The following TRIM4 variants were observed in gnomAD, a reference collection of about 807,000 sequenced individuals.
The protein encoded by TRIM4 is tripartite motif containing 4.
Under a neutral mutation model 33.7 loss-of-function variants are expected in TRIM4, and 29 were observed. The observed-to-expected ratio is 0.86, with a 90% CI of 0.64 to 1.17. The LOEUF is 1.17. TRIM4 is among the 50% of genes most tolerant of loss of function. The pLI is 0.00. For missense variants in TRIM4, 554 were observed against 593.7 expected (o/e 0.93, Z 0.69); for synonymous variants, 224 against 233.0 (o/e 0.96, Z 0.35).
intron 2 of TRIM4, among the ~76,000 whole-genome samples, chr7:99,909,290 T>G (rs1482552637): frequency 6.6e-6 from 1 of 152,068 alleles, no homozygotes; most frequent in Non-Finnish European, 1.5e-5. Flanking sequence ...GACATGGGGA[T>G]GAAGTATGCG....
chr7:99,909,898 A>G (rs1282858436), intron 1 of TRIM4, among the ~76,000 whole-genome samples: 1 of 151,602 alleles, frequency 6.6e-6, no homozygotes, highest in African/African-American at 2.4e-5. Context: ...GGTCCAACTA[A>G]TTTTTTTATG....
At chr7:99,911,124 G>A (rs1020599846) in intron 1 of TRIM4, among the ~76,000 whole-genome samples, 2 of 152,186 alleles carry the variant, frequency 1.3e-5, no homozygotes, top group African/African-American at 4.8e-5. Flanking sequence ...AATTAGAGTT[G>A]GGAAGGAGAT....
At chr7:99,908,262 G>T in intron 3 of TRIM4, 1 of 222,016 alleles carries the variant, frequency 4.5e-6, no homozygotes, top group Non-Finnish European at 8.8e-6. Flanking sequence ...TGCTTGCTTT[G>T]TTTTATTGTT....
rs531550150 is a variant in TRIM4, at chr7:99,917,971, G to A, written c.393+1038C>T. The A allele has an allele frequency of 3.9e-5, 16 of 408,530 alleles. 1 individual carries two copies. Among genetic ancestry groups the A allele is most frequent in the Non-Finnish European group, 5.0e-5 (15 of 302,958 alleles). The allele number at this position is 408,530 out of a possible 1,614,324, so 25.3% of individuals were successfully genotyped here. ...TATGGCTGAAGCAGAGTAAGGTAAA[G>A]TGATTTATTCAACCGGAGCTTCTTA... On this transcript the variant is annotated intron_variant, in intron 1 of 5. Transcript: ENST00000349062.
chr7:99,917,364 T>C (rs1819578356), intron 1 of TRIM4, among the ~76,000 whole-genome samples: 1 of 152,244 alleles, frequency 6.6e-6, no homozygotes, highest in South Asian at 2.1e-4. Flanking sequence ...TTCCTGTTCA[T>C]AGTCAGCTGG....
intron 3 of TRIM4, among the ~76,000 whole-genome samples, chr7:99,907,020 G>A (rs1222291213): frequency 1.3e-5 from 2 of 152,134 alleles, no homozygotes; most frequent in African/African-American, 2.4e-5. Context: ...TGGGGTAAAA[G>A]TAAAGGAAAT....
chr7:99,898,016 G>A (rs917189232), intron 5 of TRIM4, among the ~76,000 whole-genome samples: 4 of 152,244 alleles, frequency 2.6e-5, no homozygotes, highest in African/African-American at 9.6e-5. Context: ...TATTGGGTCT[G>A]CAGAGAGTTG....
chr7:99,895,562 G>T (rs1413779812), intron 5 of TRIM4, among the ~76,000 whole-genome samples: 1 of 152,138 alleles, frequency 6.6e-6, no homozygotes, highest in Non-Finnish European at 1.5e-5. Flanking sequence ...GGATCAAGTT[G>T]ATTGATAATA....
At chr7:99,910,100 C>T (rs943688638) in intron 1 of TRIM4, among the ~76,000 whole-genome samples, 4 of 152,118 alleles carry the variant, frequency 2.6e-5, no homozygotes, top group African/African-American at 4.8e-5. Flanking sequence ...ATGCTGAAGA[C>T]GGTCACAGGC....
chr7:99,919,130 C>G lies in TRIM4; in HGVS notation c.272G>C (p.Trp91Ser). The G allele has an allele frequency of 6.6e-7, 1 of 1,513,078 alleles. No individual in the cohort carries two copies. The highest frequency in any genetic ancestry group is 8.9e-7 in the Non-Finnish European group (1 of 1,129,604). The allele number at this position is 1,513,078 out of a possible 1,614,324, so 93.7% of individuals were successfully genotyped here. A position where few individuals can be genotyped will look rare whatever the true frequency, so the allele number is the denominator to read the frequency against. Residue 91 changes from tryptophan to serine, a missense_variant, in exon 1 of 6, where the codon TGG (tryptophan) becomes TCG (serine). By Grantham distance (177) the Trp-to-Ser change is radical (BLOSUM62 -3). Transcript: ENST00000349062. The stretch of plus-strand genomic sequence containing the variant: ...CTCGCAGAAGAGCCGCAGCGGCTCC[C>G]AGTGGCGGCCGCACAGGCCCGGGGG... ...PVPPGLCGRH[W>S]EPLRLFCEDD...
chr7:99,901,253 G>A (rs975074454), intron 5 of TRIM4: 1 of 151,804 alleles, frequency 6.6e-6, no homozygotes, highest in Non-Finnish European at 1.5e-5. Context: ...TGCATTCTTC[G>A]CCTTAATCAC....
Position 99,908,824 on chromosome 7 carries a change from T to C in TRIM4, c.490-12A>G, listed in dbSNP as rs764796513. The stretch of plus-strand genomic sequence containing the variant: ...CTCTTTATCTTATCCTAAGGCCACA[T>C]GAGATTTGCTCACTCCTTTTTCTGC... On this transcript the variant is annotated splice_polypyrimidine_tract_variant and intron_variant, in intron 2 of 5. Coordinates refer to ENST00000349062, the MANE Select transcript of TRIM4 (RefSeq NM_033091.3). The C allele has an allele frequency of 3.7e-6, 6 of 1,610,134 alleles. No homozygotes were observed. The Admixed American group carries it at 1.0e-4, about 27-fold the overall frequency.
chr7:99,907,326 T>C (rs914912449), intron 3 of TRIM4, among the ~76,000 whole-genome samples: 4 of 152,136 alleles, frequency 2.6e-5, no homozygotes, highest in African/African-American at 9.7e-5. Context: ...GCCAGTCTGG[T>C]CTCAAACTCC....
At chr7:99,899,870 G>A (rs1482851761) in intron 5 of TRIM4, among the ~76,000 whole-genome samples, 2 of 152,060 alleles carry the variant, frequency 1.3e-5, no homozygotes, top group East Asian at 1.9e-4. Context: ...AGCTCACTGC[G>A]GCCTCAACCT....
intron 5 of TRIM4, chr7:99,902,065 GTTT>G (rs1035740830): frequency 6.6e-6 from 5 of 762,694 alleles, no homozygotes; most frequent in Admixed American, 5.1e-5. Context: ...GACCTCATTT[GTTT>G]CACATTTCTC....
chr7:99,901,142 A>G (rs1417307413), intron 5 of TRIM4: 1 of 152,084 alleles, frequency 6.6e-6, no homozygotes, highest in Non-Finnish European at 1.5e-5. Context: ...AAATTGTTTT[A>G]TTCTGTGTAT....
intron 5 of TRIM4, chr7:99,902,202 T>C (rs1819191805): frequency 1.3e-6 from 1 of 760,250 alleles, no homozygotes; most frequent in Admixed American, 1.7e-5. Context: ...ACTCGTTTAT[T>C]TACTCCATTT....
chr7:99,902,049 T>A (rs1049548536), intron 5 of TRIM4: 1 of 756,280 alleles, frequency 1.3e-6, no homozygotes, highest in African/African-American at 1.7e-5. Context: ...AGGGCAATCA[T>A]AGGCTGACCT....
rs1584266302 is a variant in TRIM4, at chr7:99,903,838, C to T, written c.721-240G>A. On this transcript the variant is annotated intron_variant, in intron 3 of 5. Transcript: ENST00000349062. ...CCTTTGGCACTATGACATAAACTGG[C>T]TCCTGGCTTCCTGCCGGCCTCCCCA... is the stretch of plus-strand genomic sequence containing the variant. Among the ~76,000 whole-genome samples the T allele has an allele frequency of 2.0e-5, 3 of 152,212 alleles. No individual in the cohort carries two copies. The South Asian group carries it at 6.2e-4, about 31-fold the overall frequency.
Sources: allele counts gnomAD v4.1 joint callset (sites outside exome capture counted in the v4.1 genomes callset), GRCh38; gene constraint gnomAD v4.1.1; transcripts MANE v1.5; gene names NCBI Gene and HGNC (gene_info 2026-07-23, HGNC 2026-07-21).